SULF2: variants seen among roughly 807,000 people sequenced by gnomAD.
The protein encoded by SULF2 is extracellular sulfatase Sulf-2.
A neutral mutation model predicts 107.7 loss-of-function variants in SULF2; 52 were observed. The observed-to-expected ratio is 0.48, with a 90% CI of 0.39 to 0.61. The LOEUF is 0.61. Ranked by LOEUF, SULF2 falls within the 20% of genes least tolerant of loss-of-function variation. The pLI is 0.00. For synonymous variants in SULF2, 460 were observed against 464.3 expected, an observed-to-expected ratio of 0.99 and a Z score of 0.12; for missense variants, 993 against 1,177.3, an observed-to-expected ratio of 0.84 and a Z score of 2.29.
chr20:47,746,974 TA>T (rs1172210682), intron 2 of SULF2, among the ~76,000 whole-genome samples: 13 of 42,268 alleles, frequency 3.1e-4, no homozygotes, highest in East Asian at 1.8e-3. Flanking sequence ...CCCTAGAACT[TA>T]AATAAATAAA....
intron 1 of SULF2, among the ~76,000 whole-genome samples, chr20:47,767,510 G>A (rs1418755190): frequency 6.6e-6 from 1 of 152,202 alleles, no homozygotes; most frequent in Non-Finnish European, 1.5e-5. Flanking sequence ...GCTGGGCACA[G>A]TGGCTCACGC....
rs869126418 is a variant in SULF2 at position 47,715,093 on chromosome 20, A to ATTTTTTTTTTTTTTTTTT, written c.416-12441_416-12424dup. The stretch of plus-strand genomic sequence containing the variant: ...GCCACCATGCCCAGATAACTTTTGT[A>ATTTTTTTTTTTTTTTTTT]TTTTTTTTTTTTTTTTTTTGTAGAG... On this transcript the variant is annotated intron_variant, in intron 3 of 20. Transcript: ENST00000688720. 1.6e-5 allele frequency among the ~76,000 whole-genome samples: 2 copies of ATTTTTTTTTTTTTTTTTT among 128,988 alleles called. 1 individual carries two copies. The allele number at this position is 128,988 out of a possible 152,430, so 84.6% of individuals were successfully genotyped here.
chr20:47,665,240 C>A lies in SULF2; in HGVS notation c.1956G>T (p.Leu652=). Residue 652 remains leucine, a synonymous_variant, in exon 14 of 21, where the codon CTG becomes CTT. Transcript: ENST00000688720. ...IKNLREVRGH[L]KKKRPEECDC... is the part of the protein sequence containing the mutation. The stretch of plus-strand genomic sequence containing the variant: ...CACATTCTTCTGGCCGCTTTTTCTT[C>A]AGGTGACCTCGGACTTCCCTCAGGT... 1.2e-6 allele frequency: 2 copies of A among 1,614,026 alleles called. No homozygotes were observed. Among genetic ancestry groups the A allele is most frequent in the Non-Finnish European group, 1.7e-6 (2 of 1,179,942 alleles).
intron 3 of SULF2, among the ~76,000 whole-genome samples, chr20:47,718,731 T>C (rs2089199811): frequency 6.6e-6 from 1 of 152,150 alleles, no homozygotes; most frequent in Non-Finnish European, 1.5e-5. Context: ...GAGGACAGAT[T>C]TGCCCTTATT....
chr20:47,699,017 A>G (rs532212752), intron 4 of SULF2, among the ~76,000 whole-genome samples: 29 of 152,306 alleles, frequency 1.9e-4, no homozygotes, highest in South Asian at 8.3e-4. Flanking sequence ...GGCAACAAGC[A>G]CAAAACTCTG....
chr20:47,740,475 G>A (rs1026481419), intron 2 of SULF2, among the ~76,000 whole-genome samples: 4 of 152,158 alleles, frequency 2.6e-5, no homozygotes, highest in Non-Finnish European at 5.9e-5. Context: ...AGGGGTGGGG[G>A]TGGCCCAGGG....
chr20:47,714,679 A>G (rs1309459299), intron 3 of SULF2, among the ~76,000 whole-genome samples: 2 of 152,128 alleles, frequency 1.3e-5, no homozygotes, highest in East Asian at 3.8e-4. Flanking sequence ...ACTAAAATCC[A>G]AAGTCCTTGC....
In SULF2 at chr20:47,669,446, C is replaced by T. The variant is rs142528660; in HGVS notation, c.1576+2752G>A. Among the ~76,000 whole-genome samples the T allele has an allele frequency of 1.8e-3, 275 of 152,326 alleles. 7 individuals are homozygous for T. The highest frequency in any genetic ancestry group is 0.011 in the Admixed American group (175 of 15,304). On this transcript the variant is annotated intron_variant, in intron 11 of 20. Coordinates refer to ENST00000688720, the MANE Select transcript of SULF2 (RefSeq NM_001387048.1). ...GCATCCATAGCCTCTGCTCACTAGA[C>T]GCCAGCAGCACCCCTCCATCACACA...
At chr20:47,775,793 C>T (rs980916245) in intron 1 of SULF2, among the ~76,000 whole-genome samples, 7 of 152,202 alleles carry the variant, frequency 4.6e-5, no homozygotes, top group East Asian at 3.8e-4. Flanking sequence ...ATATTAGTCC[C>T]TGCTTCAAAG....
At position 47,672,965 on chromosome 20, in the gene SULF2, C is replaced by T. The variant is rs143570367; in HGVS notation, c.1381-572G>A. On this transcript the variant is annotated intron_variant, in intron 10 of 20. Coordinates refer to ENST00000688720, the MANE Select transcript of SULF2 (RefSeq NM_001387048.1). The stretch of plus-strand genomic sequence containing the variant: ...TTCTCTTCCTTCCCGTCTGCTCCAG[C>T]GCAAGGAGGTCTCCCCTGACCACCT... 2.1e-3 allele frequency among the ~76,000 whole-genome samples: 325 copies of T among 152,300 alleles called. 2 individuals carry two copies. Among genetic ancestry groups the T allele is most frequent in the African/African-American group, 7.3e-3 (302 of 41,566 alleles).
intron 3 of SULF2, among the ~76,000 whole-genome samples, chr20:47,724,607 C>T (rs2089387015): frequency 6.6e-6 from 1 of 152,186 alleles, no homozygotes; most frequent in South Asian, 2.1e-4. Context: ...ATGGAGGGCT[C>T]CATCTCTAGT....
chr20:47,764,430 A>G (rs2090484166), intron 1 of SULF2, among the ~76,000 whole-genome samples: 1 of 152,144 alleles, frequency 6.6e-6, no homozygotes, highest in African/African-American at 2.4e-5. Flanking sequence ...TGAGGCCACA[A>G]GTGCTCTTAT....
chr20:47,672,092 A>T, intron 11 of SULF2, 106 bp downstream of exon 11: 1 of 1,257,988 alleles, frequency 7.9e-7, no homozygotes, highest in Non-Finnish European at 1.1e-6. Context: ...CTAGATCACC[A>T]CCTGGCAAAG....
At chr20:47,745,842 T>C (rs2090023001) in intron 2 of SULF2, among the ~76,000 whole-genome samples, 1 of 152,158 alleles carries the variant, frequency 6.6e-6, no homozygotes, top group African/African-American at 2.4e-5. Flanking sequence ...ATGTCAGCTT[T>C]TCAACAAGTA....
intron 3 of SULF2, among the ~76,000 whole-genome samples, chr20:47,717,838 G>C (rs1451990943): frequency 1.4e-5 from 2 of 143,974 alleles, no homozygotes; most frequent in African/African-American, 5.1e-5. Flanking sequence ...TTTTGAGATG[G>C]AGTCTCGCTC....
chr20:47,677,111 C>T lies in SULF2; in HGVS notation c.1217G>A (p.Arg406Lys). Residue 406 changes from arginine to lysine, a missense_variant, in exon 9 of 21, where the codon AGG becomes AAG. By Grantham distance (26) the Arg-to-Lys change is conservative (BLOSUM62 2). Around this residue, in one of 3 missense-constraint regions of SULF2, gnomAD observed 108 missense variants for 183.9 expected, o/e 0.59. Coordinates refer to ENST00000688720, the MANE Select transcript of SULF2 (RefSeq NM_001387048.1). ...CACCAAGAAGGAGTCCCGCCAGACC[C>T]TCATCTTCTTTTTCAAGTGAAACCT... is the stretch of plus-strand genomic sequence containing the variant. Reference protein sequence around the residue: ...VNRFHLKKKMRVWRDSFLVER... With the variant: ...VNRFHLKKKMKVWRDSFLVER... 1 of 1,613,558 alleles carries T rather than the reference C, an allele frequency of 6.2e-7. No homozygotes were observed. The highest frequency in any genetic ancestry group is 1.1e-5 in the South Asian group (1 of 91,042).
intron 1 of SULF2, among the ~76,000 whole-genome samples, chr20:47,761,150 C>T (rs925160999): frequency 4.6e-5 from 7 of 152,304 alleles, no homozygotes; most frequent in Non-Finnish European, 7.3e-5. Context: ...AGCTGTCCTG[C>T]GTCAGGCACT....
chr20:47,759,627 G>A (rs1476496990), intron 1 of SULF2, among the ~76,000 whole-genome samples: 2 of 152,230 alleles, frequency 1.3e-5, no homozygotes, highest in African/African-American at 2.4e-5. Flanking sequence ...GGGAAATGGA[G>A]GTTGCAGTGA....
At chr20:47,712,153 T>C (rs2088954789) in intron 3 of SULF2, among the ~76,000 whole-genome samples, 2 of 152,230 alleles carry the variant, frequency 1.3e-5, no homozygotes, top group South Asian at 4.1e-4. Flanking sequence ...ACTGGACTTC[T>C]GCCTCCGCAG....
Sources: gnomAD v4.1 joint callset for allele counts (sites outside exome capture counted in the v4.1 genomes callset) on GRCh38, gnomAD v4.1.1 for gene constraint, gnomAD v4.1.1 regional missense constraint, MANE v1.5 for transcripts, NCBI Gene and HGNC (gene_info 2026-07-23, HGNC 2026-07-21) for gene names.